PHF21A: variants seen among roughly 807,000 people sequenced by gnomAD.
The protein encoded by PHF21A is PHD finger protein 21A.
PHF21A carries 11 observed loss-of-function variants against 82.5 expected under a neutral mutation model. The observed-to-expected ratio is 0.13, with a 90% CI of 0.08 to 0.22. The LOEUF (loss-of-function observed/expected upper bound fraction) is 0.22. Among genes scored for constraint, PHF21A ranks in the 10% least tolerant of loss-of-function variants. PHF21A has a pLI of 1.00. For missense variants in PHF21A, 579 were observed against 837.8 expected (o/e 0.69, Z 3.81); for synonymous variants, 297 against 302.8 (o/e 0.98, Z 0.20).
intron 6 of PHF21A, among the ~76,000 whole-genome samples, chr11:46,006,384 G>C (rs2095295445): frequency 6.6e-6 from 1 of 152,140 alleles, no homozygotes; most frequent in Admixed American, 6.5e-5. Flanking sequence ...GAATTAATAA[G>C]CACCTAACGA....
intron 3 of PHF21A, among the ~76,000 whole-genome samples, chr11:46,086,871 A>G (rs1286601680): frequency 1.3e-5 from 2 of 152,240 alleles, no homozygotes; most frequent in African/African-American, 4.8e-5. Context: ...TACAGTTTAT[A>G]TATTTAGGGC....
chr11:45,976,589 C>G (rs1212049075), intron 7 of PHF21A, among the ~76,000 whole-genome samples: 2 of 152,184 alleles, frequency 1.3e-5, no homozygotes, highest in Admixed American at 6.5e-5. Flanking sequence ...TGTCTGTAAT[C>G]CCAACACTGT....
At chr11:46,070,651 C>G (rs1205878756) in intron 6 of PHF21A, among the ~76,000 whole-genome samples, 1 of 152,184 alleles carries the variant, frequency 6.6e-6, no homozygotes, top group East Asian at 1.9e-4. Context: ...AATTTTTAAA[C>G]AGAGTCAGAG....
At chr11:46,015,005 A>T (rs1303682814) in intron 6 of PHF21A, among the ~76,000 whole-genome samples, 2 of 148,882 alleles carry the variant, frequency 1.3e-5, no homozygotes, top group African/African-American at 5.0e-5. Flanking sequence ...TAAAAATAAA[A>T]AAATAAAAAA....
intron 6 of PHF21A, among the ~76,000 whole-genome samples, chr11:46,037,380 G>A (rs1592310400): frequency 6.6e-6 from 1 of 152,178 alleles, no homozygotes; most frequent in Non-Finnish European, 1.5e-5. Flanking sequence ...AGTGGCTCAT[G>A]CCTGTGATCC....
At position 45,930,633 on chromosome 11, in the gene PHF21A, C is replaced by T. The variant is rs2087574728; in HGVS notation, c.*3335G>A. On this transcript the variant is annotated 3_prime_UTR_variant, in exon 19 of 19. Coordinates refer to ENST00000676320, the MANE Select transcript of PHF21A (RefSeq NM_001352027.3). ...GCCTCACTGTTACCAGGATGCAGCGCCTGGACAGGAGCTGGCAGGGGACTC... is the reference window on the plus strand; with the variant it reads ...GCCTCACTGTTACCAGGATGCAGCGTCTGGACAGGAGCTGGCAGGGGACTC... 2 of 152,382 alleles carry T rather than the reference C, an allele frequency of 1.3e-5. No homozygotes were observed. Among genetic ancestry groups the T allele is most frequent in the South Asian group, 2.1e-4 (1 of 4,840 alleles). The allele number at this position is 152,382 out of a possible 1,614,324, so 9.4% of individuals were successfully genotyped here.
At chr11:46,081,086 C>T (rs1310994312) in intron 4 of PHF21A, among the ~76,000 whole-genome samples, 1 of 152,124 alleles carries the variant, frequency 6.6e-6, no homozygotes, top group Non-Finnish European at 1.5e-5. Context: ...ATCTAAGAAA[C>T]CCTCCTTTAG....
intron 10 of PHF21A, among the ~76,000 whole-genome samples, chr11:45,954,434 C>T (rs2092463573): frequency 6.6e-6 from 1 of 152,150 alleles, no homozygotes; most frequent in Non-Finnish European, 1.5e-5. Flanking sequence ...CAGAACCACC[C>T]TTACATGGAA....
chr11:45,988,308 A>C (rs185999760), intron 6 of PHF21A, among the ~76,000 whole-genome samples: 1 of 152,248 alleles, frequency 6.6e-6, no homozygotes, highest in Non-Finnish European at 1.5e-5. Flanking sequence ...CCTTTTAAGA[A>C]TCCTCAACTC....
intron 7 of PHF21A, among the ~76,000 whole-genome samples, chr11:45,978,744 T>A (rs1228028080): frequency 6.6e-6 from 1 of 152,218 alleles, no homozygotes; most frequent in African/African-American, 2.4e-5. Context: ...CCTTCAAGGA[T>A]CCAAGTATCA....
chr11:46,084,196 C>T lies in PHF21A; in HGVS notation c.24G>A (p.Glu8=). Residue 8 remains glutamate (E), a synonymous_variant, in exon 4 of 19, where the codon GAG becomes GAA. Coordinates refer to ENST00000676320, the MANE Select transcript of PHF21A (RefSeq NM_001352027.3). MELQTLQ[E]ALKVEIQVHQ... ...GAACCTGAATTTCCACTTTAAGAGC[C>T]TCCTGTAGAGTCTGCAACTCCATCC... is the stretch of plus-strand genomic sequence containing the variant. 6.2e-7 allele frequency: 1 copy of T among 1,601,652 alleles called. No individual in the cohort carries two copies. Among genetic ancestry groups the T allele is most frequent in the Non-Finnish European group, 8.5e-7 (1 of 1,176,234 alleles).
rs557172203 is a variant in PHF21A, at chr11:46,040,551, T to C, written c.153+36203A>G. Reference sequence around the variant, plus strand: ...TGAGAGTAAAAGACTGGATTACTCATTACTGCAGTACATTAGAAAATTAGG... The same window carrying C: ...TGAGAGTAAAAGACTGGATTACTCACTACTGCAGTACATTAGAAAATTAGG... On this transcript the variant is annotated intron_variant, in intron 6 of 18. Transcript: ENST00000676320. 5.3e-5 allele frequency among the ~76,000 whole-genome samples: 8 copies of C among 152,248 alleles called. No homozygotes were observed. The South Asian group carries it at 1.7e-3, about 32-fold the overall frequency.
intron 1 of PHF21A, among the ~76,000 whole-genome samples, chr11:46,092,759 C>CTTTTT (rs10681499): frequency 2.2e-5 from 3 of 135,630 alleles, no homozygotes; most frequent in Non-Finnish European, 3.1e-5. Context: ...TGTGTCTCAC[C>CTTTTT]TTTTTTTTTT....
chr11:46,027,627 T>C (rs1357079170), intron 6 of PHF21A, among the ~76,000 whole-genome samples: 1 of 152,190 alleles, frequency 6.6e-6, no homozygotes, highest in Admixed American at 6.5e-5. Flanking sequence ...TTAAGATCTT[T>C]AAAATACCCA....
In PHF21A at chr11:45,960,116, T is replaced by C. The variant is rs535241326; in HGVS notation, c.996+5199A>G. Among the ~76,000 whole-genome samples, 24 of 152,310 alleles carry C rather than the reference T, an allele frequency of 1.6e-4. 1 individual carries two copies. The South Asian group carries it at 4.8e-3, about 30-fold the overall frequency. ...TGATTTAGCTGCTGTGGAAAACAGT[T>C]TGGCAGTTCTTCAAATAGTTGAGCA... On this transcript the variant is annotated intron_variant, in intron 10 of 18. Transcript: ENST00000676320.
At chr11:46,102,622 G>A (rs770578228) in intron 1 of PHF21A, among the ~76,000 whole-genome samples, 7 of 152,304 alleles carry the variant, frequency 4.6e-5, no homozygotes, top group Admixed American at 1.3e-4. Context: ...TAACATGCCT[G>A]CCTCTTCCTC....
rs764277205 is a variant in PHF21A at position 45,945,859 on chromosome 11, G to A, written c.1433C>T (p.Pro478Leu). ...ACTTACGTCTGTGGAGGTGGGGCTGGGCAGGGACACAGGCTGAACAGGTGC... is the reference window on the plus strand; with the variant it reads ...ACTTACGTCTGTGGAGGTGGGGCTGAGCAGGGACACAGGCTGAACAGGTGC... The part of the protein sequence containing the change: ...FPAPVQPVSL[P>L]SPTSTDGDIH... Residue 478 changes from proline to leucine, a missense_variant, in exon 15 of 19, where the codon CCC (proline) becomes CTC (leucine). Physicochemically the swap from Pro to Leu is moderately conservative, Grantham distance 98. Transcript: ENST00000676320. The A allele has an allele frequency of 6.3e-7, 1 of 1,589,856 alleles. No individual in the cohort carries two copies. Among genetic ancestry groups the A allele is most frequent in the Non-Finnish European group, 8.6e-7 (1 of 1,169,218 alleles).
rs1488095728 is a variant in PHF21A at position 45,987,689 on chromosome 11, C to G, written c.154-7723G>C. On this transcript the variant is annotated intron_variant, in intron 6 of 18. Coordinates refer to ENST00000676320, the MANE Select transcript of PHF21A (RefSeq NM_001352027.3). ...AAAAAAAAAAAAAAAAAAAAAAAAG[C>G]ACCTGAATCATTGTGTTTGTACCAC... Among the ~76,000 whole-genome samples the G allele has an allele frequency of 4.2e-5, 4 of 94,420 alleles. No individual in the cohort carries two copies. In the East Asian group the frequency reaches 1.1e-3, roughly 25 times the overall value. 61.9% of individuals were successfully genotyped at this position (94,420 alleles called of 152,430 possible).
chr11:45,981,940 C>CTTTTTTTTTTTTTTTTTTT (rs754937092), intron 6 of PHF21A, among the ~76,000 whole-genome samples: 5 of 78,266 alleles, frequency 6.4e-5, no homozygotes, highest in African/African-American at 2.0e-4. Flanking sequence ...TTTTGTTTTT[C>CTTTTTTTTTTTTTTTTTTT]TTTTTTTTTT....
Sources: gnomAD v4.1 joint callset for allele counts (sites outside exome capture counted in the v4.1 genomes callset) on GRCh38, gnomAD v4.1.1 for gene constraint, MANE v1.5 for transcripts, NCBI Gene and HGNC (gene_info 2026-07-23, HGNC 2026-07-21) for gene names.